MAF: variants seen among roughly 807,000 people sequenced by gnomAD.
The protein encoded by MAF is MAF bZIP transcription factor.
A neutral mutation model predicts 22.0 loss-of-function variants in MAF; 10 were observed. The observed-to-expected ratio is 0.45, with a 90% CI of 0.28 to 0.77. The LOEUF is 0.77. Ranked by LOEUF, MAF falls within the 30% of genes least tolerant of loss-of-function variation. The probability of loss-of-function intolerance (pLI) is 0.12; values close to 1 mark genes in which losing one functional copy is unlikely to be tolerated. For missense variants in MAF, 544 were observed against 548.4 expected, an observed-to-expected ratio of 0.99 and a Z score of 0.08; for synonymous variants, 337 against 255.8, an observed-to-expected ratio of 1.32 and a Z score of -3.03.
the MAF span, among the ~76,000 whole-genome samples, chr16:79,352,398 G>A: frequency 6.6e-6 from 1 of 152,110 alleles, no homozygotes; most frequent in Non-Finnish European, 1.5e-5. Flanking sequence ...TAGCACTGAG[G>A]TGGGGTCAGG....
chr16:79,276,117 G>A, the MAF span, among the ~76,000 whole-genome samples: 7 of 150,812 alleles, frequency 4.6e-5, no homozygotes, highest in African/African-American at 1.7e-4. Flanking sequence ...TTCCATCCTG[G>A]GGACAGATCA....
At chr16:79,539,136 G>T in the MAF span, among the ~76,000 whole-genome samples, 1 of 152,222 alleles carries the variant, frequency 6.6e-6, no homozygotes, top group Non-Finnish European at 1.5e-5. Flanking sequence ...GTGAAACTGG[G>T]TATCTCCTGT....
At chr16:79,466,371 CA>C in the MAF span, among the ~76,000 whole-genome samples, 1 of 152,202 alleles carries the variant, frequency 6.6e-6, no homozygotes, top group African/African-American at 2.4e-5. Flanking sequence ...GAAATTGCCT[CA>C]CTCTCAGTAA....
the MAF span, among the ~76,000 whole-genome samples, chr16:79,247,938 T>C: frequency 6.6e-6 from 1 of 152,198 alleles, no homozygotes; most frequent in African/African-American, 2.4e-5. Context: ...CTTCTAAATG[T>C]GCTTATAATT....
chr16:79,286,999 C>A, the MAF span, among the ~76,000 whole-genome samples: 7 of 152,186 alleles, frequency 4.6e-5, no homozygotes, highest in Non-Finnish European at 8.8e-5. Context: ...AAAACCGAAG[C>A]CAGAAGTGAG....
At chr16:79,317,237 TTTCTC>T in the MAF span, among the ~76,000 whole-genome samples, 1 of 134,192 alleles carries the variant, frequency 7.5e-6, no homozygotes, top group Non-Finnish European at 1.6e-5. Flanking sequence ...CCCTCCCTCC[TTTCTC>T]TCCTTCCTTC....
At chr16:79,309,541 G>A in the MAF span, among the ~76,000 whole-genome samples, 9 of 152,118 alleles carry the variant, frequency 5.9e-5, no homozygotes, top group Admixed American at 3.9e-4. Context: ...TACAGAGCAC[G>A]AATATTTTAT....
At chr16:79,276,496 A>G in the MAF span, among the ~76,000 whole-genome samples, 1 of 152,206 alleles carries the variant, frequency 6.6e-6, no homozygotes, top group Non-Finnish European at 1.5e-5. Context: ...AAAGCATCAA[A>G]AAGCACAAAT....
the MAF span, among the ~76,000 whole-genome samples, chr16:79,451,380 C>A: frequency 2.0e-5 from 3 of 152,142 alleles, no homozygotes; most frequent in East Asian, 5.8e-4. Flanking sequence ...TACAAAGGGA[C>A]CCAAGACCAC....
the MAF span, among the ~76,000 whole-genome samples, chr16:79,446,243 A>C: frequency 1.3e-5 from 2 of 152,166 alleles, no homozygotes; most frequent in Non-Finnish European, 2.9e-5. Context: ...ATAGAGCACT[A>C]GATTAGGAAC....
At chr16:79,514,097 T>C in the MAF span, among the ~76,000 whole-genome samples, 1 of 152,254 alleles carries the variant, frequency 6.6e-6, no homozygotes, top group African/African-American at 2.4e-5. Flanking sequence ...TGTTTAACAG[T>C]TGTTTTCAGA....
rs1469200494 is a variant in MAF at position 79,599,451 on chromosome 16, C to T, written c.452G>A (p.Gly151Asp). 2 of 1,306,884 alleles carry T rather than the reference C, an allele frequency of 1.5e-6. No homozygotes were observed. The highest frequency in any genetic ancestry group is 1.9e-6 in the Non-Finnish European group (2 of 1,037,094). The allele number at this position is 1,306,884 out of a possible 1,614,324, so 81.0% of individuals were successfully genotyped here. A position where few individuals can be genotyped will look rare whatever the true frequency, so the allele number is the denominator to read the frequency against. ...AAGAGAGASLGGSGEEMGPAA... is the reference protein window; with the variant it reads ...AAGAGAGASLDGSGEEMGPAA... The stretch of plus-strand genomic sequence containing the variant: ...GGGGCCCATCTCCTCGCCGCTGCCG[C>T]CCAAGGAGGCGCCGGCACCGGCCCC... Residue 151 changes from glycine (G) to aspartate (D), a missense_variant, in exon 1 of 2, where the codon GGC becomes GAC. Around this residue, in one of 5 missense-constraint regions of MAF, gnomAD observed 342 missense variants for 315.5 expected, o/e 1.08. Coordinates refer to ENST00000326043, the MANE Select transcript of MAF (RefSeq NM_005360.5).
the MAF span, among the ~76,000 whole-genome samples, chr16:79,430,158 C>G: frequency 6.6e-6 from 1 of 152,208 alleles, no homozygotes; most frequent in East Asian, 1.9e-4. Flanking sequence ...TCCCTGCATC[C>G]TCACATTTTA....
the MAF span, among the ~76,000 whole-genome samples, chr16:79,458,037 C>T: frequency 1.4e-5 from 2 of 147,852 alleles, no homozygotes; most frequent in Non-Finnish European, 3.0e-5. Context: ...TATGGATGAT[C>T]GAAAAGAAGA....
chr16:79,502,526 C>T, the MAF span, among the ~76,000 whole-genome samples: 2 of 151,164 alleles, frequency 1.3e-5, no homozygotes, highest in African/African-American at 4.9e-5. Context: ...ATTAGCTGAG[C>T]GTGGTGGTGC....
At chr16:79,536,651 T>C in the MAF span, among the ~76,000 whole-genome samples, 1 of 152,104 alleles carries the variant, frequency 6.6e-6, no homozygotes, top group African/African-American at 2.4e-5. Flanking sequence ...TGAAAAAATA[T>C]AAAAGAAAAT....
the MAF span, among the ~76,000 whole-genome samples, chr16:79,244,425 GACAA>G: frequency 2.6e-4 from 40 of 152,036 alleles, 1 homozygote; most frequent in Middle Eastern, 0.01. Context: ...ATCAATAATA[GACAA>G]ACAGAGAGCC....
In MAF at chr16:79,599,690, G is replaced by T. The variant is rs377182117; in HGVS notation, c.213C>A (p.Pro71=). The part of the protein sequence containing the change: ...STPCSSVPPS[P]SFSAPSPGSG... ...AGCCCGGGCTGGGCGCCGAGAAGCTGGGGGAAGGGGGCACCGAGCTGCACG... is the reference window on the plus strand; with the variant it reads ...AGCCCGGGCTGGGCGCCGAGAAGCTTGGGGAAGGGGGCACCGAGCTGCACG... The change falls in exon 1 of 2, where the codon CCC becomes CCA. Residue 71 remains proline, a synonymous_variant. Transcript: ENST00000326043. 22 of 1,612,422 alleles carry T rather than the reference G, an allele frequency of 1.4e-5. No individual in the cohort carries two copies. In the African/African-American group the frequency reaches 2.7e-4, roughly 20 times the overall value.
chr16:79,420,547 C>T, the MAF span, among the ~76,000 whole-genome samples: 1 of 152,168 alleles, frequency 6.6e-6, no homozygotes, highest in Non-Finnish European at 1.5e-5. Flanking sequence ...GCCCCCCTCC[C>T]CCTACGGCCT....
Sources: gnomAD v4.1 joint callset for allele counts (sites outside exome capture counted in the v4.1 genomes callset) on GRCh38, gnomAD v4.1.1 for gene constraint, gnomAD v4.1.1 regional missense constraint, MANE v1.5 for transcripts, NCBI Gene and HGNC (gene_info 2026-07-23, HGNC 2026-07-21) for gene names.